SEMA5A: variants seen among roughly 807,000 people sequenced by gnomAD.
SEMA5A encodes the protein semaphorin 5A.
SEMA5A carries 55 observed loss-of-function variants against 135.5 expected under a neutral mutation model. The observed-to-expected ratio is 0.41, with a 90% CI of 0.33 to 0.51. The LOEUF (loss-of-function observed/expected upper bound fraction) is 0.51, where lower values mean the gene tolerates loss of function less well. SEMA5A is among the 20% of genes least tolerant of loss of function. SEMA5A has a pLI of 0.37. For missense variants in SEMA5A, 1,290 were observed against 1,419.9 expected (o/e 0.91, Z 1.47); for synonymous variants, 580 against 546.5 (o/e 1.06, Z -0.85).
At chr5:9,350,223 A>G (rs1472863859) in intron 3 of SEMA5A, among the ~76,000 whole-genome samples, 1 of 152,186 alleles carries the variant, frequency 6.6e-6, no homozygotes, top group Non-Finnish European at 1.5e-5. Flanking sequence ...ACTACCCTGC[A>G]TTTACCAAAT....
intron 1 of SEMA5A, among the ~76,000 whole-genome samples, chr5:9,534,868 A>G (rs1475489386): frequency 6.6e-6 from 1 of 152,186 alleles, no homozygotes; most frequent in African/African-American, 2.4e-5. Flanking sequence ...CAATTCCTCA[A>G]TAGATACTCT....
chr5:9,127,436 G>A lies in SEMA5A; in HGVS notation c.1600-4599C>T, dbSNP rs544337362. Among the ~76,000 whole-genome samples, 3 of 152,264 alleles carry A rather than the reference G, an allele frequency of 2.0e-5. No homozygotes were observed. In the South Asian group the frequency reaches 6.2e-4, roughly 32 times the overall value. ...CAAATTCCTAGGCATTCCCTCTGAA[G>A]CACATATACACTTTCCCTATGGCTC... On this transcript the variant is annotated intron_variant, in intron 13 of 22. Coordinates refer to ENST00000382496, the MANE Select transcript of SEMA5A (RefSeq NM_003966.3).
chr5:9,509,002 C>T (rs1370508972), intron 1 of SEMA5A, among the ~76,000 whole-genome samples: 2 of 151,998 alleles, frequency 1.3e-5, no homozygotes, highest in Non-Finnish European at 2.9e-5. Context: ...CATGATAAAT[C>T]AATGACTTAA....
intron 3 of SEMA5A, among the ~76,000 whole-genome samples, chr5:9,345,525 T>TAAAA (rs60077732): frequency 6.9e-6 from 1 of 144,692 alleles, no homozygotes; most frequent in African/African-American, 2.5e-5. Flanking sequence ...TTCCAGGATG[T>TAAAA]AAAAAAAAAA....
intron 3 of SEMA5A, among the ~76,000 whole-genome samples, chr5:9,346,821 G>A (rs550424566): frequency 4.5e-4 from 68 of 151,990 alleles, no homozygotes; most frequent in African/African-American, 1.5e-3. Flanking sequence ...AAGGGGTCAG[G>A]GAAATATCTG....
At chr5:9,531,317 A>G (rs1429487758) in intron 1 of SEMA5A, among the ~76,000 whole-genome samples, 1 of 152,174 alleles carries the variant, frequency 6.6e-6, no homozygotes, top group Non-Finnish European at 1.5e-5. Flanking sequence ...CAGGCCACCT[A>G]CATTCGTAGG....
intron 16 of SEMA5A, among the ~76,000 whole-genome samples, chr5:9,088,365 T>C (rs1476036956): frequency 1.3e-5 from 2 of 150,288 alleles, no homozygotes; most frequent in Non-Finnish European, 1.5e-5. Flanking sequence ...AATTTTCCTA[T>C]AAATATAAGT....
intron 1 of SEMA5A, chr5:9,523,109 A>T (rs575587892): frequency 3.8e-4 from 58 of 152,306 alleles, no homozygotes; most frequent in African/African-American, 1.3e-3. Flanking sequence ...GTAAAATGGG[A>T]ATTAACTCAT....
chr5:9,369,480 T>G (rs1755046671), intron 3 of SEMA5A, among the ~76,000 whole-genome samples: 1 of 152,236 alleles, frequency 6.6e-6, no homozygotes, highest in Non-Finnish European at 1.5e-5. Flanking sequence ...TTTTTGCTCT[T>G]AACCTTAGGT....
intron 3 of SEMA5A, among the ~76,000 whole-genome samples, chr5:9,373,570 C>T (rs763165616): frequency 2.0e-5 from 3 of 152,126 alleles, no homozygotes; most frequent in Admixed American, 6.6e-5. Flanking sequence ...ATTCTCAGGC[C>T]AATCAATAAA....
At chr5:9,153,613 G>C (rs913623518) in intron 12 of SEMA5A, among the ~76,000 whole-genome samples, 2 of 151,522 alleles carry the variant, frequency 1.3e-5, no homozygotes, top group Admixed American at 6.6e-5. Flanking sequence ...GGCGGGGGAG[G>C]GGGGGGTGTC....
rs257097 is a variant in SEMA5A at position 9,050,629 on chromosome 5, C to A, written c.2846-172G>T. Reference sequence around the variant, plus strand: ...TTGTTTCTTTGCTTGTTTTAACCAACCTGATATGGATTTGGCCAAATCACC... The same window carrying A: ...TTGTTTCTTTGCTTGTTTTAACCAAACTGATATGGATTTGGCCAAATCACC... On this transcript the variant is annotated intron_variant, in intron 20 of 22. Transcript: ENST00000382496. 6.6e-5 allele frequency among the ~76,000 whole-genome samples: 10 copies of A among 152,306 alleles called. No homozygotes were observed. The East Asian group carries it at 7.7e-4, about 12-fold the overall frequency.
chr5:9,544,428 A>G (rs1196451916), intron 1 of SEMA5A, among the ~76,000 whole-genome samples: 1 of 152,204 alleles, frequency 6.6e-6, no homozygotes, highest in Non-Finnish European at 1.5e-5. Flanking sequence ...TTCTAGTTAG[A>G]GCATTTATGT....
rs79193987 is a variant in SEMA5A at position 9,510,906 on chromosome 5, G to A, written c.-175+34678C>T. Among the ~76,000 whole-genome samples, 5 of 152,248 alleles carry A rather than the reference G, an allele frequency of 3.3e-5. No homozygotes were observed. In the East Asian group the frequency reaches 5.8e-4, roughly 18 times the overall value. ...TTTTGGTGACAACTATTGGACATAC[G>A]AATTGTCACCAACTGAACCATGGTC... is the stretch of plus-strand genomic sequence containing the variant. On this transcript the variant is annotated intron_variant, in intron 1 of 22. Coordinates refer to ENST00000382496, the MANE Select transcript of SEMA5A (RefSeq NM_003966.3).
intron 2 of SEMA5A, among the ~76,000 whole-genome samples, chr5:9,384,563 G>C (rs201452390): frequency 1.6e-3 from 186 of 115,354 alleles, no homozygotes; most frequent in Middle Eastern, 9.2e-3. Context: ...TAGATAGATA[G>C]ATAGATACAT....
At chr5:9,063,816 A>G (rs1737313430) in intron 17 of SEMA5A, among the ~76,000 whole-genome samples, 1 of 152,214 alleles carries the variant, frequency 6.6e-6, no homozygotes, top group Non-Finnish European at 1.5e-5. Flanking sequence ...CTGTGGCAGG[A>G]ATCACAGCCA....
intron 8 of SEMA5A, among the ~76,000 whole-genome samples, chr5:9,211,187 T>C (rs758146442): frequency 2.4e-4 from 37 of 152,178 alleles, no homozygotes; most frequent in Non-Finnish European, 4.6e-4. Context: ...TTGAATAAGA[T>C]ATCAGCCTTG....
rs573873364 is a variant in SEMA5A, at chr5:9,037,135, A to G, written c.*5762T>C. 1.8e-4 allele frequency: 24 copies of G among 136,298 alleles called. No individual in the cohort carries two copies. The highest frequency in any genetic ancestry group is 6.2e-4 in the African/African-American group (23 of 36,816). The allele number at this position is 136,298 out of a possible 1,614,324, so 8.4% of individuals were successfully genotyped here. A position where few individuals can be genotyped will look rare whatever the true frequency, so the allele number is the denominator to read the frequency against. On this transcript the variant is annotated 3_prime_UTR_variant, in exon 23 of 23. Coordinates refer to ENST00000382496, the MANE Select transcript of SEMA5A (RefSeq NM_003966.3). ...ATTTTCTTGCTTGATTGACAGTTTA[A>G]GAAACACAAAAGAGTGATTTTCTAC...
rs138513311 is a variant in SEMA5A at position 9,294,585 on chromosome 5, C to T, written c.270+23787G>A. On this transcript the variant is annotated intron_variant, in intron 5 of 22. Transcript: ENST00000382496. Reference sequence around the variant, plus strand: ...CTGTCCTTATACCTTGACGAAAACTCTCCCTAGATTTACTGAGCACTCTAC... The same window carrying T: ...CTGTCCTTATACCTTGACGAAAACTTTCCCTAGATTTACTGAGCACTCTAC... 2.9e-4 allele frequency among the ~76,000 whole-genome samples: 44 copies of T among 152,278 alleles called. No homozygotes were observed. The East Asian group carries it at 8.3e-3, about 29-fold the overall frequency.
Sources: gnomAD v4.1 joint callset for allele counts (sites outside exome capture counted in the v4.1 genomes callset) on GRCh38, gnomAD v4.1.1 for gene constraint, MANE v1.5 for transcripts, NCBI Gene and HGNC (gene_info 2026-07-23, HGNC 2026-07-21) for gene names.